The following RAB3C variants were observed in gnomAD, a reference collection of about 807,000 sequenced individuals.
The protein encoded by RAB3C is ras-related protein Rab-3C.
A neutral mutation model predicts 26.4 loss-of-function variants in RAB3C; 17 were observed. The observed-to-expected ratio is 0.64, with a 90% confidence interval of 0.44 to 0.97. RAB3C has a LOEUF of 0.97. Ranked by LOEUF, RAB3C falls within the 50% of genes least tolerant of loss-of-function variation. The pLI, the probability that RAB3C is intolerant of heterozygous loss-of-function variation, is 0.00. For synonymous variants in RAB3C, 91 were observed against 95.9 expected (o/e 0.95, Z 0.30); for missense variants, 242 against 281.9 (o/e 0.86, Z 1.01).
At chr5:58,821,193 C>A (rs942864824) in intron 3 of RAB3C, among the ~76,000 whole-genome samples, 4 of 152,164 alleles carry the variant, frequency 2.6e-5, no homozygotes, top group African/African-American at 9.7e-5. Flanking sequence ...ACAACTGTGA[C>A]ACTCTCTGGT....
At chr5:58,753,538 G>A (rs757113299) in intron 3 of RAB3C, among the ~76,000 whole-genome samples, 7 of 151,974 alleles carry the variant, frequency 4.6e-5, no homozygotes, top group Admixed American at 2.0e-4. Flanking sequence ...GTAGTCTTTC[G>A]AGTCAAAAAG....
At chr5:58,751,709 A>G (rs1357739414) in intron 3 of RAB3C, among the ~76,000 whole-genome samples, 2 of 152,244 alleles carry the variant, frequency 1.3e-5, no homozygotes, top group Non-Finnish European at 2.9e-5. Context: ...TAGTCATATT[A>G]CTTGAATGAA....
chr5:58,773,660 G>A (rs1244185094), intron 3 of RAB3C, among the ~76,000 whole-genome samples: 1 of 152,024 alleles, frequency 6.6e-6, no homozygotes, highest in Non-Finnish European at 1.5e-5. Flanking sequence ...CAAGAGCTCT[G>A]GGGGAAAGGA....
intron 3 of RAB3C, among the ~76,000 whole-genome samples, chr5:58,767,091 A>G (rs771295728): frequency 3.0e-4 from 45 of 152,170 alleles, no homozygotes; most frequent in Non-Finnish European, 6.2e-4. Flanking sequence ...CAGTGCCAGT[A>G]CATGTGGTCT....
intron 3 of RAB3C, among the ~76,000 whole-genome samples, chr5:58,811,468 CA>C (rs1743088624): frequency 6.7e-6 from 1 of 150,140 alleles, no homozygotes; most frequent in Non-Finnish European, 1.5e-5. Flanking sequence ...TGAGAGGGGT[CA>C]CAAAGGTAAA....
chr5:58,705,199 A>G (rs991237452), intron 2 of RAB3C, among the ~76,000 whole-genome samples: 1 of 152,188 alleles, frequency 6.6e-6, no homozygotes, highest in Non-Finnish European at 1.5e-5. Flanking sequence ...CTTTCAACAT[A>G]CTTTTAGAAT....
At chr5:58,803,645 T>G (rs774370250) in intron 3 of RAB3C, among the ~76,000 whole-genome samples, 1 of 152,186 alleles carries the variant, frequency 6.6e-6, no homozygotes, top group Non-Finnish European at 1.5e-5. Flanking sequence ...GGTGATTGAT[T>G]GTGCAGTCAG....
At chr5:58,710,335 A>C (rs1404165699) in intron 2 of RAB3C, among the ~76,000 whole-genome samples, 1 of 152,100 alleles carries the variant, frequency 6.6e-6, no homozygotes, top group Non-Finnish European at 1.5e-5. Context: ...GTGGTGGCTC[A>C]CACCTATAAT....
intron 1 of RAB3C, among the ~76,000 whole-genome samples, chr5:58,608,322 A>G (rs1164983884): frequency 6.6e-6 from 1 of 152,194 alleles, no homozygotes; most frequent in African/African-American, 2.4e-5. Flanking sequence ...AAGAATCTAC[A>G]AAGAACTTAA....
At chr5:58,654,671 T>C (rs564031745) in intron 2 of RAB3C, among the ~76,000 whole-genome samples, 1 of 116,936 alleles carries the variant, frequency 8.6e-6, no homozygotes, top group Non-Finnish European at 1.7e-5. Context: ...TATCATGCTC[T>C]CACTCTCTCT....
chr5:58,712,153 C>T (rs1031594070), intron 2 of RAB3C, among the ~76,000 whole-genome samples: 1 of 152,128 alleles, frequency 6.6e-6, no homozygotes, highest in Non-Finnish European at 1.5e-5. Flanking sequence ...TGTTTTTTCT[C>T]TGATTTCTCT....
intron 4 of RAB3C, among the ~76,000 whole-genome samples, chr5:58,832,949 A>G (rs1456272496): frequency 6.6e-6 from 1 of 152,232 alleles, no homozygotes; most frequent in African/African-American, 2.4e-5. Context: ...GCAATATTCC[A>G]GAAATTAGGG....
At chr5:58,754,040 C>T (rs1463770956) in intron 3 of RAB3C, among the ~76,000 whole-genome samples, 1 of 152,024 alleles carries the variant, frequency 6.6e-6, no homozygotes, top group East Asian at 1.9e-4. Flanking sequence ...AAGTCGGAGA[C>T]AGCAATAGGT....
At chr5:58,801,982 G>A (rs1345797) in intron 3 of RAB3C, among the ~76,000 whole-genome samples, 88,970 of 152,112 alleles carry the variant, frequency 0.58, 26,462 homozygotes, top group Middle Eastern at 0.69. Context: ...TCCAAACTGC[G>A]TTAATATGGA....
intron 4 of RAB3C, among the ~76,000 whole-genome samples, chr5:58,845,675 T>C (rs1347060986): frequency 6.8e-6 from 1 of 146,522 alleles, no homozygotes; most frequent in Admixed American, 6.9e-5. Flanking sequence ...TACATATATG[T>C]ATATATGTGT....
At chr5:58,828,987 C>A (rs299917) in intron 4 of RAB3C, among the ~76,000 whole-genome samples, 65,842 of 149,446 alleles carry the variant, frequency 0.44, 15,967 homozygotes, top group Middle Eastern at 0.67. Context: ...CACTGCAACC[C>A]CTGCCTCCTG....
At chr5:58,818,845 G>T (rs559768609) in intron 3 of RAB3C, among the ~76,000 whole-genome samples, 1 of 152,264 alleles carries the variant, frequency 6.6e-6, no homozygotes, top group African/African-American at 2.4e-5. Context: ...ACATCCAATG[G>T]TGAAAAGGTA....
At chr5:58,791,136 A>T (rs1185781277) in intron 3 of RAB3C, among the ~76,000 whole-genome samples, 4 of 151,874 alleles carry the variant, frequency 2.6e-5, no homozygotes, top group African/African-American at 7.3e-5. Flanking sequence ...CAGCTTCCAC[A>T]AATCTCGATT....
At chr5:58,621,118 G>A (rs546594896) in intron 2 of RAB3C, among the ~76,000 whole-genome samples, 1 of 152,194 alleles carries the variant, frequency 6.6e-6, no homozygotes, top group African/African-American at 2.4e-5. Context: ...GTATTTTTAT[G>A]CATTTATATT....
Sources: allele counts gnomAD v4.1 joint callset (sites outside exome capture counted in the v4.1 genomes callset), GRCh38; gene constraint gnomAD v4.1.1; transcripts MANE v1.5; gene names NCBI Gene and HGNC (gene_info 2026-07-23, HGNC 2026-07-21).